Variants in CEP112 observed in about 807,000 individuals in gnomAD.
CEP112 encodes the protein centrosomal protein of 112 kDa.
Under a neutral mutation model 153.0 loss-of-function variants are expected in CEP112, and 127 were observed. The observed-to-expected ratio is 0.83, with a 90% CI of 0.72 to 0.96. The LOEUF (loss-of-function observed/expected upper bound fraction) is 0.96. Ranked by LOEUF, CEP112 falls within the 40% of genes least tolerant of loss-of-function variation. The probability of loss-of-function intolerance (pLI) is 0.00; values close to 1 mark genes in which losing one functional copy is unlikely to be tolerated. For synonymous variants in CEP112, 358 were observed against 374.4 expected, an observed-to-expected ratio of 0.96 and a Z score of 0.51; for missense variants, 1,089 against 1,101.2, an observed-to-expected ratio of 0.99 and a Z score of 0.16.
At chr17:65,869,581 T>C (rs1468320791) in intron 20 of CEP112, among the ~76,000 whole-genome samples, 1 of 114 alleles carries the variant, frequency 8.8e-3, no homozygotes, top group Non-Finnish European at 0.029. Flanking sequence ...TAAACTTTCT[T>C]TTTTTTTTTT....
intron 23 of CEP112, among the ~76,000 whole-genome samples, chr17:65,724,770 A>T (rs1220146946): frequency 6.6e-6 from 1 of 152,192 alleles, no homozygotes; most frequent in Non-Finnish European, 1.5e-5. Context: ...AACAAAGATG[A>T]TCTGAAATGA....
intron 20 of CEP112, among the ~76,000 whole-genome samples, chr17:65,887,657 G>GATA (rs1449403851): frequency 6.6e-6 from 1 of 152,190 alleles, no homozygotes; most frequent in Non-Finnish European, 1.5e-5. Context: ...GCAGGAGAGA[G>GATA]ATAATATTCT....
intron 12 of CEP112, among the ~76,000 whole-genome samples, chr17:66,041,870 C>T (rs115089017): frequency 1.3e-5 from 2 of 152,084 alleles, no homozygotes; most frequent in African/African-American, 4.8e-5. Context: ...TATATAGATA[C>T]CCCACCCTCA....
rs73336712 is a variant in CEP112 at position 66,190,413 on chromosome 17, T to G, written c.-9+1584A>C. Among the ~76,000 whole-genome samples, 1,337 of 152,308 alleles carry G rather than the reference T, an allele frequency of 8.8e-3. 16 individuals are homozygous for G. The highest frequency in any genetic ancestry group is 0.03 in the African/African-American group (1,265 of 41,558). The stretch of plus-strand genomic sequence containing the variant: ...CAACTTATCAAAAGTTTCATACCAT[T>G]TATCAGAATTGAAAATTTAAATTAC... On this transcript the variant is annotated intron_variant, in intron 1 of 26. Transcript: ENST00000535342.
rs144728063 is a variant in CEP112, at chr17:65,982,584, G to A, written c.1737-20986C>T. The stretch of plus-strand genomic sequence containing the variant: ...CAATGGCTTTTCTCCTTTTGTGGGC[G>A]ATAGCTGCAGTTCCAATTAGGGTAA... On this transcript the variant is annotated intron_variant, in intron 17 of 26. Transcript: ENST00000535342. Among the ~76,000 whole-genome samples, 199 of 152,294 alleles carry A rather than the reference G, an allele frequency of 1.3e-3. 3 individuals carry two copies. Among genetic ancestry groups the A allele is most frequent in the South Asian group, 8.7e-3 (42 of 4,824 alleles).
intron 18 of CEP112, among the ~76,000 whole-genome samples, chr17:65,942,077 T>TG (rs1269273159): frequency 6.6e-6 from 1 of 152,172 alleles, no homozygotes; most frequent in African/African-American, 2.4e-5. Flanking sequence ...GGACTGGTAC[T>TG]GGTCCTTGGC....
At position 65,858,729 on chromosome 17, in the gene CEP112, G is replaced by A. The variant is rs957449398; in HGVS notation, c.2164-6695C>T. Among the ~76,000 whole-genome samples, 11 of 152,120 alleles carry A rather than the reference G, an allele frequency of 7.2e-5. 1 individual carries two copies. In the East Asian group the frequency reaches 1.2e-3, roughly 16 times the overall value. On this transcript the variant is annotated intron_variant, in intron 20 of 26. Transcript: ENST00000535342. ...TTTAAAAATAAATGGCAGGTTAAGTGTACCCATTTCTCTCATTTTAGCTTC... is the reference window on the plus strand; with the variant it reads ...TTTAAAAATAAATGGCAGGTTAAGTATACCCATTTCTCTCATTTTAGCTTC...
At chr17:66,134,020 T>C (rs1160388231) in intron 4 of CEP112, among the ~76,000 whole-genome samples, 1 of 152,126 alleles carries the variant, frequency 6.6e-6, no homozygotes, top group Non-Finnish European at 1.5e-5. Context: ...ATTTTGAGTA[T>C]AATTGTACCA....
At chr17:66,047,974 C>T (rs1162480279) in intron 12 of CEP112, among the ~76,000 whole-genome samples, 1 of 152,128 alleles carries the variant, frequency 6.6e-6, no homozygotes, top group African/African-American at 2.4e-5. Context: ...ACCCTATACA[C>T]CCCCTGCTGT....
chr17:65,932,375 G>A (rs1019656728), intron 18 of CEP112, among the ~76,000 whole-genome samples: 2 of 152,052 alleles, frequency 1.3e-5, no homozygotes, highest in African/African-American at 2.4e-5. Context: ...GGAAATATAC[G>A]CCACAAAAAG....
chr17:65,966,971 T>C (rs2062437643), intron 17 of CEP112, among the ~76,000 whole-genome samples: 1 of 152,230 alleles, frequency 6.6e-6, no homozygotes. Context: ...GGGCAGTGTC[T>C]AGAAGATGGA....
chr17:65,750,614 AT>A (rs1470623512), intron 22 of CEP112, 47 bp downstream of exon 22: 29 of 1,537,210 alleles, frequency 1.9e-5, no homozygotes, highest in Non-Finnish European at 2.6e-5. Context: ...TGGAGGTTTC[AT>A]TTTTGTTTTG....
intron 24 of CEP112, among the ~76,000 whole-genome samples, chr17:65,657,453 T>C (rs1450704851): frequency 1.3e-5 from 2 of 152,202 alleles, no homozygotes; most frequent in Non-Finnish European, 2.9e-5. Context: ...CAGGTACATG[T>C]TGAAGAACGT....
intron 24 of CEP112, among the ~76,000 whole-genome samples, chr17:65,675,846 C>T (rs1450618250): frequency 6.6e-6 from 1 of 151,556 alleles, no homozygotes; most frequent in African/African-American, 2.4e-5. Flanking sequence ...GAATAAGAAA[C>T]AAAATTCATA....
chr17:66,155,958 C>G (rs1450501419), intron 4 of CEP112, among the ~76,000 whole-genome samples: 1 of 152,082 alleles, frequency 6.6e-6, no homozygotes, highest in Non-Finnish European at 1.5e-5. Context: ...GGGCGCAGCT[C>G]CAGAAGACTT....
At chr17:65,640,865 C>T in intron 25 of CEP112, 99 bp downstream of exon 25, 3 of 747,044 alleles carry the variant, frequency 4.0e-6, no homozygotes, top group East Asian at 2.5e-5. Context: ...AATGACATCA[C>T]ATTGATTTCT....
intron 6 of CEP112, among the ~76,000 whole-genome samples, chr17:66,100,431 T>C (rs907053379): frequency 3.5e-4 from 49 of 140,284 alleles, no homozygotes; most frequent in African/African-American, 1.2e-3. Flanking sequence ...AAAAAAGAGT[T>C]GTCCAAGAGA....
chr17:65,756,405 CAAAAA>C (rs766476895), intron 21 of CEP112, among the ~76,000 whole-genome samples: 2 of 30,518 alleles, frequency 6.6e-5, no homozygotes, highest in African/African-American at 2.5e-4. Flanking sequence ...GACTCCGTCT[CAAAAA>C]AAAAAAAAAA....
At position 66,132,428 on chromosome 17, in the gene CEP112, G is replaced by A. The variant is rs955172738; in HGVS notation, c.564+242C>T. ...GAACAAAGGGAAAATGTTATTCTTT[G>A]ACACACAGGAGAAACAACAGATTGA... On this transcript the variant is annotated intron_variant, in intron 5 of 26. Transcript: ENST00000535342. Among the ~76,000 whole-genome samples the A allele has an allele frequency of 2.6e-5, 4 of 151,912 alleles. No homozygotes were observed. In the South Asian group the frequency reaches 6.2e-4, roughly 24 times the overall value.
Sources: gnomAD v4.1 joint callset for allele counts (sites outside exome capture counted in the v4.1 genomes callset) on GRCh38, gnomAD v4.1.1 for gene constraint, MANE v1.5 for transcripts, NCBI Gene and HGNC (gene_info 2026-07-23, HGNC 2026-07-21) for gene names.